MPPED2: variants seen among roughly 807,000 people sequenced by gnomAD.
MPPED2 encodes the protein metallophosphoesterase MPPED2.
In MPPED2, 5 loss-of-function variants were observed where a neutral mutation model predicts 33.0. The ratio of observed to expected loss-of-function variants is 0.15; its 90% confidence interval spans 0.08 to 0.32. MPPED2 has a LOEUF of 0.32. Ranked by LOEUF, MPPED2 falls within the 10% of genes least tolerant of loss-of-function variation. The pLI, the probability that MPPED2 is intolerant of heterozygous loss-of-function variation, is 1.00. For synonymous variants in MPPED2, 136 were observed against 141.9 expected (o/e 0.96, Z 0.29); for missense variants, 275 against 372.1 (o/e 0.74, Z 2.15).
At chr11:30,440,782 T>C (rs938276756) in intron 4 of MPPED2, among the ~76,000 whole-genome samples, 10 of 152,210 alleles carry the variant, frequency 6.6e-5, no homozygotes, top group African/African-American at 1.7e-4. Context: ...CTTTGACTTC[T>C]GCATGAGGCA....
intron 4 of MPPED2, among the ~76,000 whole-genome samples, chr11:30,428,548 G>A (rs2133831150): frequency 6.6e-6 from 1 of 152,258 alleles, no homozygotes; most frequent in African/African-American, 2.4e-5. Flanking sequence ...AATAGAAGTT[G>A]TAGCGACTTG....
intron 4 of MPPED2, among the ~76,000 whole-genome samples, chr11:30,492,728 T>C (rs1394240331): frequency 1.3e-5 from 2 of 151,830 alleles, no homozygotes; most frequent in African/African-American, 4.8e-5. Context: ...TAAAGCTAGG[T>C]ATAAACTGGA....
At chr11:30,434,253 G>A (rs1949218019) in intron 4 of MPPED2, among the ~76,000 whole-genome samples, 1 of 152,216 alleles carries the variant, frequency 6.6e-6, no homozygotes, top group Non-Finnish European at 1.5e-5. Flanking sequence ...ACATTGGCAT[G>A]TCACTACTGA....
chr11:30,414,367 C>T, intron 5 of MPPED2, 26 bp from the exon 6 acceptor site: 1 of 1,412,520 alleles, frequency 7.1e-7, no homozygotes. Flanking sequence ...AATCAATACA[C>T]TTAATTTTCT....
At chr11:30,446,129 A>G (rs1395107527) in intron 4 of MPPED2, among the ~76,000 whole-genome samples, 1 of 152,218 alleles carries the variant, frequency 6.6e-6, no homozygotes, top group South Asian at 2.1e-4. Flanking sequence ...ATTTAGACCA[A>G]TATAAAATGA....
intron 4 of MPPED2, among the ~76,000 whole-genome samples, chr11:30,493,417 G>A (rs1952085465): frequency 6.6e-6 from 1 of 151,492 alleles, no homozygotes. Context: ...AACTTACAGA[G>A]GACAAGCCAA....
intron 2 of MPPED2, among the ~76,000 whole-genome samples, chr11:30,553,296 A>G (rs1955804003): frequency 6.6e-6 from 1 of 152,222 alleles, no homozygotes; most frequent in Non-Finnish European, 1.5e-5. Flanking sequence ...TAGAAAAAAC[A>G]ATGTAGAACT....
At chr11:30,474,924 AC>A (rs1406371809) in intron 4 of MPPED2, among the ~76,000 whole-genome samples, 1 of 152,176 alleles carries the variant, frequency 6.6e-6, no homozygotes, top group Non-Finnish European at 1.5e-5. Context: ...GCACAACAAA[AC>A]AAAAAACTGC....
intron 4 of MPPED2, among the ~76,000 whole-genome samples, chr11:30,420,261 C>A (rs1407416014): frequency 6.6e-6 from 1 of 152,142 alleles, no homozygotes; most frequent in Non-Finnish European, 1.5e-5. Context: ...AAGGACTCAA[C>A]CTGCTATTGA....
chr11:30,573,355 A>T (rs765560544), intron 2 of MPPED2, among the ~76,000 whole-genome samples: 1 of 152,218 alleles, frequency 6.6e-6, no homozygotes, highest in Non-Finnish European at 1.5e-5. Flanking sequence ...TGACAATGAA[A>T]TAAATGACTC....
At chr11:30,421,636 T>C (rs932869076) in intron 4 of MPPED2, among the ~76,000 whole-genome samples, 2 of 152,200 alleles carry the variant, frequency 1.3e-5, no homozygotes, top group Non-Finnish European at 2.9e-5. Flanking sequence ...AACTTGTCCA[T>C]GTTCCCAGGA....
chr11:30,577,106 T>C (rs1387580724), intron 2 of MPPED2, among the ~76,000 whole-genome samples: 2 of 152,210 alleles, frequency 1.3e-5, no homozygotes, highest in Admixed American at 6.5e-5. Context: ...AAACATTGTC[T>C]TAACTGCAAT....
chr11:30,504,165 A>G (rs151245267), intron 3 of MPPED2, among the ~76,000 whole-genome samples: 1 of 152,284 alleles, frequency 6.6e-6, no homozygotes, highest in African/African-American at 2.4e-5. Flanking sequence ...AGAAGGAGGA[A>G]ATTTTTCCTA....
intron 3 of MPPED2, among the ~76,000 whole-genome samples, chr11:30,504,246 G>A (rs778623706): frequency 2.6e-5 from 4 of 152,116 alleles, no homozygotes; most frequent in Non-Finnish European, 5.9e-5. Flanking sequence ...AACTTTTGAA[G>A]CCTCTCTATT....
At chr11:30,521,742 C>T (rs146455894) in intron 3 of MPPED2, among the ~76,000 whole-genome samples, 5 of 152,278 alleles carry the variant, frequency 3.3e-5, no homozygotes, top group Admixed American at 2.6e-4. Flanking sequence ...TAACATCAGT[C>T]GTTTCCACGT....
chr11:30,501,746 C>T (rs1952573756), intron 3 of MPPED2: 1 of 244,938 alleles, frequency 4.1e-6, no homozygotes, highest in African/African-American at 2.3e-5. Flanking sequence ...TTTAAGATCT[C>T]CAGCTATGCA....
At chr11:30,389,082 C>T in intron 6 of MPPED2, 2 of 1,338,326 alleles carry the variant, frequency 1.5e-6, no homozygotes, top group Non-Finnish European at 1.9e-6. Flanking sequence ...CCCTCAGCAC[C>T]TCTCTAGAGG....
intron 6 of MPPED2, 64 bp downstream of exon 6, chr11:30,414,164 A>T: frequency 1.8e-6 from 2 of 1,116,864 alleles, no homozygotes; most frequent in Non-Finnish European, 2.7e-6. Flanking sequence ...ACTTATTCCT[A>T]GTTGTAGACT....
At chr11:30,576,892 A>T (rs1181537182) in intron 2 of MPPED2, among the ~76,000 whole-genome samples, 4 of 151,550 alleles carry the variant, frequency 2.6e-5, no homozygotes, top group Admixed American at 2.6e-4. Context: ...AAAAAAAAAA[A>T]CTTCCCTCCA....
Sources: gnomAD v4.1 joint callset for allele counts (sites outside exome capture counted in the v4.1 genomes callset) on GRCh38, gnomAD v4.1.1 for gene constraint, MANE v1.5 for transcripts, NCBI Gene and HGNC (gene_info 2026-07-23, HGNC 2026-07-21) for gene names.